Variants in HMCN2 observed in about 807,000 individuals in gnomAD.
HMCN2 encodes hemicentin-2.
HMCN2 carries 325 observed loss-of-function variants against 377.5 expected under a neutral mutation model. The ratio of observed to expected loss-of-function variants is 0.86; its 90% CI spans 0.79 to 0.94. The LOEUF is 0.94. HMCN2 is among the 40% of genes least tolerant of loss of function. The pLI is 0.00. For missense variants in HMCN2, 4,543 were observed against 4,725.3 expected, an observed-to-expected ratio of 0.96 and a Z score of 1.13; for synonymous variants, 2,007 against 2,046.8, an observed-to-expected ratio of 0.98 and a Z score of 0.53.
At position 130,393,467 on chromosome 9, in the gene HMCN2, C is replaced by T. The variant is rs536183190; in HGVS notation, c.10234+158C>T. On this transcript the variant is annotated intron_variant, in intron 67 of 97. Transcript: ENST00000683500. The surrounding 1 kb of genome is among the most constrained non-coding windows in gnomAD (Gnocchi z 5.2). The stretch of plus-strand genomic sequence containing the variant: ...TCAGTCTCTGACTCACTGTATTGCT[C>T]GTTTGTACCTCACAAGTGGCTGTGG... 5.3e-4 allele frequency among the ~76,000 whole-genome samples: 81 copies of T among 152,328 alleles called. No individual in the cohort carries two copies. The highest frequency in any genetic ancestry group is 1.6e-3 in the African/African-American group (68 of 41,588).
rs977681544 is a variant in HMCN2 at position 130,358,425 on chromosome 9, C to T, written c.5616C>T (p.Tyr1872=). ...TGGACCTGAGGGACGAGGGCATCTA[C>T]ACTTGTGCTGCTACCAACCTGGCTG... ...EKVDLRDEGI[Y]TCAATNLAGE... is the part of the protein sequence containing the mutation. The change falls in exon 36 of 98, where the codon TAC becomes TAT. Residue 1872 remains tyrosine, a synonymous_variant. Coordinates refer to ENST00000683500, the MANE Select transcript of HMCN2 (RefSeq NM_001291815.2). 2 of 1,304,378 alleles carry T rather than the reference C, an allele frequency of 1.5e-6. No homozygotes were observed. Among genetic ancestry groups the T allele is most frequent in the Admixed American group, 2.3e-5 (1 of 43,574 alleles). 80.8% of individuals were successfully genotyped at this position (1,304,378 alleles called of 1,614,324 possible).
intron 4 of HMCN2, among the ~76,000 whole-genome samples, chr9:130,294,229 G>T (rs538709000): frequency 2.3e-4 from 35 of 152,242 alleles, no homozygotes; most frequent in Non-Finnish European, 3.4e-4. Context: ...CCAGGCAAAG[G>T]GTCCTTACCT....
At chr9:130,365,121 T>C (rs1840624074) in intron 41 of HMCN2, among the ~76,000 whole-genome samples, 1 of 152,190 alleles carries the variant, frequency 6.6e-6, no homozygotes, top group Non-Finnish European at 1.5e-5. Flanking sequence ...CCCACCCCCC[T>C]ACACCTTGTG....
intron 24 of HMCN2, among the ~76,000 whole-genome samples, chr9:130,342,120 C>T (rs1839091747): frequency 6.6e-6 from 1 of 152,164 alleles, no homozygotes; most frequent in Non-Finnish European, 1.5e-5. Context: ...TCTGAGGGTA[C>T]AGCTCAGCCT....
chr9:130,298,369 A>T (rs10988685), intron 7 of HMCN2, among the ~76,000 whole-genome samples: 54,019 of 152,078 alleles, frequency 0.36, 11,524 homozygotes, highest in African/African-American at 0.61. Flanking sequence ...TACAAAATTT[A>T]AAAAATTAGC....
rs750528174 is a variant in HMCN2, at chr9:130,418,906, A to C, written c.13096A>C (p.Ser4366Arg). 1.6e-5 allele frequency: 25 copies of C among 1,549,506 alleles called. No individual in the cohort carries two copies. In the South Asian group the frequency reaches 2.9e-4, roughly 18 times the overall value. ...ACAGGCGGGTCAACCCTTGCGGGCC[A>C]GCCGGCGGCTCCGGACCCTGCCCGA... Reference protein sequence around the residue: ...WLQAGQPLRASRRLRTLPDGS... With the variant: ...WLQAGQPLRARRRLRTLPDGS... The change falls in exon 86 of 98, where the codon AGC becomes CGC. Residue 4366 changes from serine (S) to arginine (R), a missense_variant. Physicochemically the swap from Ser to Arg is moderately radical, Grantham distance 110 (BLOSUM62 -1). Transcript: ENST00000683500.
At chr9:130,348,321 G>C (rs115778365) in intron 26 of HMCN2, among the ~76,000 whole-genome samples, 3 of 152,238 alleles carry the variant, frequency 2.0e-5, no homozygotes, top group Non-Finnish European at 4.4e-5. Flanking sequence ...GAGTCAGAAA[G>C]GGTGACACCT....
chr9:130,377,560 A>C, intron 52 of HMCN2, 89 bp from the exon 53 acceptor site: 1 of 707,332 alleles, frequency 1.4e-6, no homozygotes, highest in Non-Finnish European at 1.7e-6. Context: ...TTTTTGGAGA[A>C]TGTATTGAGA....
intron 45 of HMCN2, 83 bp from the exon 46 acceptor site, chr9:130,370,881 G>T: frequency 1.2e-6 from 1 of 856,322 alleles, no homozygotes; most frequent in Non-Finnish European, 1.4e-6. Context: ...TGGAGTTGGG[G>T]GGCAGTCAGT....
rs1281077912 is a variant in HMCN2, at chr9:130,418,979, A to G, written c.13169A>G (p.Tyr4390Cys). ...ENVETGDAGT[Y>C]DCVAHNLLGS... ...GTGGAGACTGGGGATGCAGGCACCT[A>G]CGACTGCGTCGCTCACAACCTCCTG... The change falls in exon 86 of 98, where the codon TAC (tyrosine) becomes TGC (cysteine). Residue 4390 changes from tyrosine (Y) to cysteine (C), a missense_variant. Around this residue, in one of 5 missense-constraint regions of HMCN2, gnomAD observed 1,155 missense variants for 1,157.7 expected, o/e 1.00. Transcript: ENST00000683500. 6 of 1,516,272 alleles carry G rather than the reference A, an allele frequency of 4.0e-6. No homozygotes were observed. The highest frequency in any genetic ancestry group is 5.3e-6 in the Non-Finnish European group (6 of 1,127,872). The allele number at this position is 1,516,272 out of a possible 1,614,324, so 93.9% of individuals were successfully genotyped here.
chr9:130,422,482 T>G lies in HMCN2; in HGVS notation c.13232-95T>G. ...TGGAGGTGAACTCTCCGAGCCTCCA[T>G]TTACTCCTTCACGAAATGGGAATGA... On this transcript the variant is annotated intron_variant, in intron 86 of 97. Coordinates refer to ENST00000683500, the MANE Select transcript of HMCN2 (RefSeq NM_001291815.2). The surrounding 1 kb of genome is among the most constrained non-coding windows in gnomAD (Gnocchi z 4.2). 1 of 1,015,848 alleles carries G rather than the reference T, an allele frequency of 9.8e-7. No homozygotes were observed. The highest frequency in any genetic ancestry group is 1.3e-6 in the Non-Finnish European group (1 of 778,088). 62.9% of individuals were successfully genotyped at this position (1,015,848 alleles called of 1,614,324 possible).
At chr9:130,310,315 T>G (rs1837172196) in intron 15 of HMCN2, among the ~76,000 whole-genome samples, 1 of 152,228 alleles carries the variant, frequency 6.6e-6, no homozygotes, top group African/African-American at 2.4e-5. Context: ...GGATCAAGAA[T>G]CTGAAAGTGG....
chr9:130,421,270 G>A (rs1843988812), intron 86 of HMCN2, among the ~76,000 whole-genome samples: 1 of 152,168 alleles, frequency 6.6e-6, no homozygotes, highest in African/African-American at 2.4e-5. Context: ...GAGCAACGTA[G>A]TTTATTTTCC....
chr9:130,354,963 G>A lies in HMCN2; in HGVS notation c.5065G>A (p.Glu1689Lys). The A allele has an allele frequency of 7.7e-7, 1 of 1,301,878 alleles. No individual in the cohort carries two copies. Among genetic ancestry groups the A allele is most frequent in the Admixed American group, 2.3e-5 (1 of 43,576 alleles). The allele number at this position is 1,301,878 out of a possible 1,614,324, so 80.6% of individuals were successfully genotyped here. A position where few individuals can be genotyped will look rare whatever the true frequency, so the allele number is the denominator to read the frequency against. The stretch of plus-strand genomic sequence containing the variant: ...TGTGCTGAGGCTGGAGAGCCCGGGG[G>A]AGGCATCCAGTGGCCTGTACAGCTG... ...GSVLRLESPG[E>K]ASSGLYSCVA... Residue 1689 changes from glutamate to lysine, a missense_variant, in exon 32 of 98, where the codon GAG (glutamate) becomes AAG (lysine). Glu to Lys is a moderately conservative substitution (Grantham distance 56, BLOSUM62 1). Transcript: ENST00000683500.
At chr9:130,301,782 G>A (rs782563522) in intron 8 of HMCN2, among the ~76,000 whole-genome samples, 3 of 152,246 alleles carry the variant, frequency 2.0e-5, no homozygotes, top group Admixed American at 1.3e-4. Context: ...TGGCGGGGAT[G>A]GGGAGACGGT....
At chr9:130,390,919 A>C (rs1842284662) in intron 62 of HMCN2, 58 bp from the exon 63 acceptor site, 1 of 981,456 alleles carries the variant, frequency 1.0e-6, no homozygotes, top group African/African-American at 1.8e-5. Flanking sequence ...TGTGGGGCTC[A>C]GTTTCCTATG....
chr9:130,305,279 C>A (rs185929770), intron 11 of HMCN2, among the ~76,000 whole-genome samples: 111 of 152,266 alleles, frequency 7.3e-4, no homozygotes, highest in African/African-American at 2.6e-3. Flanking sequence ...TTTTTCCGTG[C>A]CATCGAGCCC....
rs1047206751 is a variant in HMCN2 at position 130,428,242 on chromosome 9, C to A, written c.14066-116C>A. Reference sequence around the variant, plus strand: ...AGCAGAAGGGGTGGGGACCTTCCTGCCAGTGGCTCCTGGGCCTGCGGACGA... The same window carrying A: ...AGCAGAAGGGGTGGGGACCTTCCTGACAGTGGCTCCTGGGCCTGCGGACGA... On this transcript the variant is annotated intron_variant, in intron 92 of 97. Transcript: ENST00000683500. The surrounding 1 kb of genome is among the most constrained non-coding windows in gnomAD (Gnocchi z 5.0). 4 of 1,247,476 alleles carry A rather than the reference C, an allele frequency of 3.2e-6. No individual in the cohort carries two copies. In the African/African-American group the frequency reaches 6.1e-5, roughly 19 times the overall value. 77.3% of individuals were successfully genotyped at this position (1,247,476 alleles called of 1,614,324 possible).
rs1258694415 is a variant in HMCN2, at chr9:130,306,882, G to T, written c.2030G>T (p.Cys677Phe). 1.7e-5 allele frequency: 8 copies of T among 470,984 alleles called. 1 individual carries two copies. Among genetic ancestry groups the T allele is most frequent in the African/African-American group, 1.6e-4 (8 of 50,062 alleles). 29.2% of individuals were successfully genotyped at this position (470,984 alleles called of 1,614,324 possible). A position where few individuals can be genotyped will look rare whatever the true frequency, so the allele number is the denominator to read the frequency against. The change falls in exon 13 of 98, where the codon TGC becomes TTC. Residue 677 changes from cysteine (C) to phenylalanine (F), a missense_variant. Coordinates refer to ENST00000683500, the MANE Select transcript of HMCN2 (RefSeq NM_001291815.2). ...VAPEDAGNYS[C>F]QATNEVGTDQ... Reference sequence around the variant, plus strand: ...CCAGAGGATGCTGGGAATTACAGCTGCCAGGCGACTAATGAGGTTGGCACT... The same window carrying T: ...CCAGAGGATGCTGGGAATTACAGCTTCCAGGCGACTAATGAGGTTGGCACT...
Sources: gnomAD v4.1 joint callset for allele counts (sites outside exome capture counted in the v4.1 genomes callset) on GRCh38, gnomAD v4.1.1 for gene constraint, gnomAD v4.1.1 regional missense constraint, Gnocchi (gnomAD v3.1) non-coding constraint, MANE v1.5 for transcripts, NCBI Gene and HGNC (gene_info 2026-07-23, HGNC 2026-07-21) for gene names.